Variants in KCND2 observed in about 807,000 individuals in gnomAD.
KCND2 encodes the protein A-type voltage-gated potassium channel KCND2.
In KCND2, 16 loss-of-function variants were observed where a neutral mutation model predicts 54.4. That is an observed-to-expected ratio of 0.29 (90% CI 0.20 to 0.45). The LOEUF (loss-of-function observed/expected upper bound fraction) is 0.45. KCND2 is among the 20% of genes least tolerant of loss of function. KCND2 has a pLI of 1.00. For synonymous variants in KCND2, 317 were observed against 310.7 expected, an observed-to-expected ratio of 1.02 and a Z score of -0.21; for missense variants, 486 against 824.2, an observed-to-expected ratio of 0.59 and a Z score of 5.02.
intron 1 of KCND2, among the ~76,000 whole-genome samples, chr7:120,669,613 A>G (rs1246388668): frequency 2.0e-5 from 3 of 152,154 alleles, no homozygotes; most frequent in Non-Finnish European, 4.4e-5. Flanking sequence ...AAGGACAAAA[A>G]AAGTTTAATG....
intron 1 of KCND2, among the ~76,000 whole-genome samples, chr7:120,564,824 G>A (rs143524611): frequency 1.6e-4 from 25 of 152,220 alleles, no homozygotes; most frequent in Non-Finnish European, 2.2e-4. Flanking sequence ...GTTCAAGGCA[G>A]AGGAATTTAC....
chr7:120,530,003 G>A (rs568577242), intron 1 of KCND2, among the ~76,000 whole-genome samples: 1 of 152,048 alleles, frequency 6.6e-6, no homozygotes, highest in South Asian at 2.1e-4. Context: ...ACCCCAGGGG[G>A]TCAAGGCTGC....
At chr7:120,616,372 A>G (rs1299341563) in intron 1 of KCND2, among the ~76,000 whole-genome samples, 2 of 152,204 alleles carry the variant, frequency 1.3e-5, no homozygotes, top group African/African-American at 4.8e-5. Flanking sequence ...CCTATGCACT[A>G]TTCTATATAG....
chr7:120,283,938 T>C (rs1304955842), intron 1 of KCND2, among the ~76,000 whole-genome samples: 1 of 152,156 alleles, frequency 6.6e-6, no homozygotes. Flanking sequence ...ATTGAGACCA[T>C]GTTTATAGCA....
intron 1 of KCND2, among the ~76,000 whole-genome samples, chr7:120,626,953 C>T (rs1793171322): frequency 6.6e-6 from 1 of 152,120 alleles, no homozygotes. Context: ...TCCATTGCTG[C>T]GATGTACACT....
chr7:120,656,779 G>T (rs999333537), intron 1 of KCND2, among the ~76,000 whole-genome samples: 2 of 152,180 alleles, frequency 1.3e-5, no homozygotes, highest in Middle Eastern at 3.4e-3. Context: ...TTCACCTTGT[G>T]CAAAATTATT....
chr7:120,400,017 C>G (rs1196949282), intron 1 of KCND2, among the ~76,000 whole-genome samples: 1 of 152,048 alleles, frequency 6.6e-6, no homozygotes, highest in Non-Finnish European at 1.5e-5. Context: ...TGAGCCACCG[C>G]ACCCGGCCTC....
intron 1 of KCND2, among the ~76,000 whole-genome samples, chr7:120,595,483 G>GTGTA (rs1554373367): frequency 1.5e-4 from 20 of 133,476 alleles, no homozygotes; most frequent in Non-Finnish European, 2.0e-4. Flanking sequence ...ATATATATGT[G>GTGTA]TATATATATA....
chr7:120,489,056 GT>G (rs910718293), intron 1 of KCND2, among the ~76,000 whole-genome samples: 3 of 151,998 alleles, frequency 2.0e-5, no homozygotes, highest in Non-Finnish European at 4.4e-5. Flanking sequence ...AATAAATTTA[GT>G]TTTTTTGTGT....
chr7:120,740,907 A>ATTTGTTTG (rs3834346), intron 2 of KCND2: 1 of 451,860 alleles, frequency 2.2e-6, no homozygotes, highest in Non-Finnish European at 4.4e-6. Flanking sequence ...GTTTTTGTTT[A>ATTTGTTTG]TTTGTTTGTT....
At chr7:120,389,121 C>A (rs1801035918) in intron 1 of KCND2, among the ~76,000 whole-genome samples, 1 of 151,300 alleles carries the variant, frequency 6.6e-6, no homozygotes, top group South Asian at 2.1e-4. Context: ...TAGTACATTG[C>A]CAAATAGGGG....
At chr7:120,526,065 A>G (rs778556328) in intron 1 of KCND2, among the ~76,000 whole-genome samples, 7 of 152,146 alleles carry the variant, frequency 4.6e-5, no homozygotes, top group Non-Finnish European at 7.4e-5. Context: ...CCACAGTATA[A>G]CATAAGTCAC....
At chr7:120,641,732 T>A (rs188075520) in intron 1 of KCND2, among the ~76,000 whole-genome samples, 15 of 148,908 alleles carry the variant, frequency 1.0e-4, no homozygotes, top group African/African-American at 3.7e-4. Flanking sequence ...AAGAAACTTA[T>A]TAAAACTTTT....
intron 1 of KCND2, among the ~76,000 whole-genome samples, chr7:120,534,002 T>C (rs1226070510): frequency 1.3e-5 from 2 of 152,184 alleles, no homozygotes; most frequent in Non-Finnish European, 2.9e-5. Context: ...GAAAAAAGTC[T>C]GTTTTATTTA....
At chr7:120,544,240 G>A (rs756886564) in intron 1 of KCND2, among the ~76,000 whole-genome samples, 5 of 151,878 alleles carry the variant, frequency 3.3e-5, no homozygotes, top group Non-Finnish European at 7.4e-5. Context: ...GTTAAGAGCA[G>A]CAGGAAGCAA....
At chr7:120,553,798 G>T (rs548038914) in intron 1 of KCND2, among the ~76,000 whole-genome samples, 2 of 152,294 alleles carry the variant, frequency 1.3e-5, no homozygotes, top group Admixed American at 6.5e-5. Flanking sequence ...ATTATATACA[G>T]GAGAAAACGA....
At chr7:120,467,953 G>A (rs1000744588) in intron 1 of KCND2, among the ~76,000 whole-genome samples, 1 of 152,104 alleles carries the variant, frequency 6.6e-6, no homozygotes, top group Non-Finnish European at 1.5e-5. Flanking sequence ...AGGCCTTACT[G>A]AGAATTTTTA....
intron 1 of KCND2, among the ~76,000 whole-genome samples, chr7:120,429,591 A>G (rs1398613012): frequency 2.0e-5 from 3 of 151,996 alleles, no homozygotes; most frequent in Admixed American, 2.0e-4. Flanking sequence ...TGTGAGTTGA[A>G]CTCGTCAGTT....
intron 1 of KCND2, among the ~76,000 whole-genome samples, chr7:120,667,108 A>G (rs1791936553): frequency 6.6e-6 from 1 of 152,064 alleles, no homozygotes; most frequent in African/African-American, 2.4e-5. Flanking sequence ...TCTTGGGTGT[A>G]GAGTAGCAGA....
Sources: allele counts gnomAD v4.1 joint callset (sites outside exome capture counted in the v4.1 genomes callset), GRCh38; gene constraint gnomAD v4.1.1; transcripts MANE v1.5; gene names NCBI Gene and HGNC (gene_info 2026-07-23, HGNC 2026-07-21).